TMEM178B: variants seen among roughly 807,000 people sequenced by gnomAD.
The protein encoded by TMEM178B is transmembrane protein 178B.
In TMEM178B, 5 loss-of-function variants were observed where a neutral mutation model predicts 31.0. The ratio of observed to expected loss-of-function variants is 0.16; its 90% CI spans 0.08 to 0.34. TMEM178B has a LOEUF of 0.34. Ranked by LOEUF, TMEM178B falls within the 10% of genes least tolerant of loss-of-function variation. The pLI, the probability that TMEM178B is intolerant of heterozygous loss-of-function variation, is 1.00. For missense variants in TMEM178B, 275 were observed against 400.3 expected (o/e 0.69, Z 2.67); for synonymous variants, 164 against 164.0 (o/e 1.00, Z 0.00).
At chr7:141,306,144 C>T (rs778159223) in intron 2 of TMEM178B, among the ~76,000 whole-genome samples, 2 of 152,166 alleles carry the variant, frequency 1.3e-5, no homozygotes, top group African/African-American at 2.4e-5. Flanking sequence ...TCCTTGGCTG[C>T]CGTTAATGTC....
rs112953178 is a variant in TMEM178B at position 141,107,946 on chromosome 7, G to A, written c.382+33254G>A. ...AAGATGTGATTGGTGATGTGCTAGAGTTTGTGGTGTTCTGGAGGTCAAGTG... is the reference window on the plus strand; with the variant it reads ...AAGATGTGATTGGTGATGTGCTAGAATTTGTGGTGTTCTGGAGGTCAAGTG... On this transcript the variant is annotated intron_variant, in intron 1 of 3. Coordinates refer to ENST00000565468, the MANE Select transcript of TMEM178B (RefSeq NM_001195278.2). Among the ~76,000 whole-genome samples, 606 of 152,356 alleles carry A rather than the reference G, an allele frequency of 4.0e-3. 7 individuals carry two copies. The highest frequency in any genetic ancestry group is 0.033 in the South Asian group (158 of 4,824).
Position 141,250,832 on chromosome 7 carries a change from T to C in TMEM178B, c.496+38128T>C, listed in dbSNP as rs74916099. On this transcript the variant is annotated intron_variant, in intron 2 of 3. Coordinates refer to ENST00000565468, the MANE Select transcript of TMEM178B (RefSeq NM_001195278.2). ...TCATTGTTTGCCCAAGCCTTTTTCA[T>C]ACCTGACAGGATCAAATGGGTCTAA... Among the ~76,000 whole-genome samples the C allele has an allele frequency of 2.6e-5, 4 of 152,322 alleles. No individual in the cohort carries two copies. The East Asian group carries it at 7.7e-4, about 29-fold the overall frequency.
the TMEM178B span, among the ~76,000 whole-genome samples, chr7:141,492,433 A>C: frequency 6.6e-6 from 1 of 152,140 alleles, no homozygotes; most frequent in African/African-American, 2.4e-5. Flanking sequence ...CCCACTAAAA[A>C]CTTACGTTCC....
chr7:141,481,297 A>T (rs2116746575), downstream of TMEM178B, among the ~76,000 whole-genome samples: 1 of 152,280 alleles, frequency 6.6e-6, no homozygotes, highest in Non-Finnish European at 1.5e-5. Context: ...TTCTCTCTTG[A>T]GGGATGAGCC....
At chr7:141,455,285 G>A (rs796945377) in intron 3 of TMEM178B, among the ~76,000 whole-genome samples, 17 of 152,322 alleles carry the variant, frequency 1.1e-4, no homozygotes, top group African/African-American at 3.6e-4. Context: ...CTATGAAGTA[G>A]TCAGATTTTA....
intron 3 of TMEM178B, among the ~76,000 whole-genome samples, chr7:141,465,419 T>A (rs1469282942): frequency 6.6e-6 from 1 of 152,164 alleles, no homozygotes; most frequent in Non-Finnish European, 1.5e-5. Context: ...AATGCCACAC[T>A]CCCCAGTTTG....
intron 2 of TMEM178B, among the ~76,000 whole-genome samples, chr7:141,374,586 G>T (rs1235269110): frequency 6.6e-6 from 1 of 152,138 alleles, no homozygotes; most frequent in South Asian, 2.1e-4. Flanking sequence ...AAAACCCCAC[G>T]CGCATACAGC....
At chr7:141,122,656 A>G (rs1471571697) in intron 1 of TMEM178B, among the ~76,000 whole-genome samples, 3 of 152,232 alleles carry the variant, frequency 2.0e-5, no homozygotes, top group African/African-American at 7.2e-5. Context: ...ATGATTACAC[A>G]AATGTAATAT....
At chr7:141,370,843 G>C (rs1357733326) in intron 2 of TMEM178B, among the ~76,000 whole-genome samples, 1 of 152,248 alleles carries the variant, frequency 6.6e-6, no homozygotes, top group African/African-American at 2.4e-5. Flanking sequence ...GACATCTGCT[G>C]TTTGACCACT....
intron 2 of TMEM178B, among the ~76,000 whole-genome samples, chr7:141,289,161 G>A (rs1052793760): frequency 3.9e-5 from 6 of 152,116 alleles, no homozygotes; most frequent in East Asian, 1.9e-4. Flanking sequence ...CTCTGGTCGC[G>A]GAACACATGC....
chr7:141,138,409 T>C (rs1795711652), intron 1 of TMEM178B, among the ~76,000 whole-genome samples: 1 of 152,066 alleles, frequency 6.6e-6, no homozygotes, highest in Admixed American at 6.5e-5. Flanking sequence ...TATGGAGAAT[T>C]AGTTTAACAG....
At chr7:141,229,679 T>C (rs1759197414) in intron 2 of TMEM178B, among the ~76,000 whole-genome samples, 1 of 152,042 alleles carries the variant, frequency 6.6e-6, no homozygotes, top group South Asian at 2.1e-4. Flanking sequence ...TCCCAGCACT[T>C]TGGGAGGCCG....
intron 2 of TMEM178B, among the ~76,000 whole-genome samples, chr7:141,246,666 T>C (rs186795706): frequency 6.6e-6 from 1 of 151,378 alleles, no homozygotes; most frequent in Non-Finnish European, 1.5e-5. Flanking sequence ...TGGAAAAGAG[T>C]GTGTGCAGGT....
chr7:141,175,410 T>C (rs539610625), intron 1 of TMEM178B, among the ~76,000 whole-genome samples: 1 of 152,328 alleles, frequency 6.6e-6, no homozygotes, highest in African/African-American at 2.4e-5. Flanking sequence ...CCTCCAGCTT[T>C]GTTCTTTCTG....
At chr7:141,255,435 C>G (rs1006284184) in intron 2 of TMEM178B, among the ~76,000 whole-genome samples, 6 of 152,222 alleles carry the variant, frequency 3.9e-5, no homozygotes, top group African/African-American at 1.2e-4. Flanking sequence ...CGTTTGATTT[C>G]ATTAACAAAC....
At chr7:141,345,638 G>A (rs954990029) in intron 2 of TMEM178B, among the ~76,000 whole-genome samples, 1 of 152,156 alleles carries the variant, frequency 6.6e-6, no homozygotes, top group Non-Finnish European at 1.5e-5. Flanking sequence ...CAGATGGTTC[G>A]TGTTTCACAG....
intron 1 of TMEM178B, among the ~76,000 whole-genome samples, chr7:141,117,025 A>G (rs1795329809): frequency 6.6e-6 from 1 of 152,220 alleles, no homozygotes; most frequent in African/African-American, 2.4e-5. Context: ...CTTTGGGTAT[A>G]TACCCAGTAA....
chr7:141,363,763 C>A (rs1306978745), intron 2 of TMEM178B, among the ~76,000 whole-genome samples: 2 of 152,118 alleles, frequency 1.3e-5, no homozygotes, highest in Non-Finnish European at 2.9e-5. Flanking sequence ...AGGAGATGTG[C>A]TCAACCTTCC....
intron 2 of TMEM178B, among the ~76,000 whole-genome samples, chr7:141,238,512 C>T (rs956755115): frequency 6.6e-6 from 1 of 152,166 alleles, no homozygotes; most frequent in African/African-American, 2.4e-5. Flanking sequence ...AATACCTGTG[C>T]AGTTGAACTA....
Sources: allele counts gnomAD v4.1 joint callset (sites outside exome capture counted in the v4.1 genomes callset), GRCh38; gene constraint gnomAD v4.1.1; transcripts MANE v1.5; gene names NCBI Gene and HGNC (gene_info 2026-07-23, HGNC 2026-07-21).